The following CCDC106 variants were observed in gnomAD, a reference collection of about 807,000 sequenced individuals.
CCDC106 encodes coiled-coil domain-containing protein 106.
In CCDC106, 17 loss-of-function variants were observed where a neutral mutation model predicts 24.7. The observed-to-expected ratio is 0.69, with a 90% CI of 0.47 to 1.03. The LOEUF is 1.03. Ranked by LOEUF, CCDC106 falls within the 50% of genes least tolerant of loss-of-function variation. The pLI is 0.00. For synonymous variants in CCDC106, 211 were observed against 161.3 expected (o/e 1.31, Z -2.34); for missense variants, 337 against 388.9 (o/e 0.87, Z 1.12).
Position 55,652,629 on chromosome 19 carries a change from C to T in CCDC106, c.726C>T (p.Arg242=). ...EVGEFDPSKE[R]LLEYSRRCFL... ...GCGAGTTCGACCCCTCCAAGGAGCG[C>T]CTGCTCGAGTACTCCCGCCGCTGCT... Residue 242 remains arginine (R), a synonymous_variant, in exon 5 of 5, where the codon CGC becomes CGT. Transcript: ENST00000586790. The surrounding 1 kb of genome is among the most constrained non-coding windows in gnomAD (Gnocchi z 5.9). 6.2e-7 allele frequency: 1 copy of T among 1,613,004 alleles called. No homozygotes were observed. Among genetic ancestry groups the T allele is most frequent in the Non-Finnish European group, 8.5e-7 (1 of 1,179,906 alleles).
At position 55,652,037 on chromosome 19, in the gene CCDC106, A is replaced by T. The variant is rs1274776370; in HGVS notation, c.527-393A>T. 1.3e-5 allele frequency among the ~76,000 whole-genome samples: 2 copies of T among 152,006 alleles called. No homozygotes were observed. The highest frequency in any genetic ancestry group is 4.1e-4 in the South Asian group (2 of 4,820). On this transcript the variant is annotated intron_variant, in intron 4 of 4. Coordinates refer to ENST00000586790, the MANE Select transcript of CCDC106 (RefSeq NM_001370470.1). This position sits in a 1 kb window ranked among gnomAD's most constrained non-coding sequence, Gnocchi z 5.9. The stretch of plus-strand genomic sequence containing the variant: ...CTTGGGCACCTCCTTAACTTTCATC[A>T]GTAAGGAGGAGGTGCGCAGTAGGAC...
At position 55,649,792 on chromosome 19, in the gene CCDC106, G is replaced by A. The variant is rs1983121094; in HGVS notation, c.313+208G>A. On this transcript the variant is annotated intron_variant, in intron 3 of 4. Coordinates refer to ENST00000586790, the MANE Select transcript of CCDC106 (RefSeq NM_001370470.1). ...TCATCCCCATGAACTGTCTACTGGGGCCCGTCCTCCTGCCTTCTCCGTCAG... is the reference window on the plus strand; with the variant it reads ...TCATCCCCATGAACTGTCTACTGGGACCCGTCCTCCTGCCTTCTCCGTCAG... The A allele has an allele frequency of 5.2e-6, 3 of 578,626 alleles. No homozygotes were observed. The South Asian group carries it at 6.3e-5, about 12-fold the overall frequency. The allele number at this position is 578,626 out of a possible 1,614,324, so 35.8% of individuals were successfully genotyped here. A position where few individuals can be genotyped will look rare whatever the true frequency, so the allele number is the denominator to read the frequency against.
chr19:55,649,681 G>A, intron 3 of CCDC106, 97 bp downstream of exon 3: 2 of 1,208,350 alleles, frequency 1.7e-6, no homozygotes, highest in Non-Finnish European at 2.3e-6. Context: ...TGGCTGGGTG[G>A]GACCTGCCAT....
At chr19:55,649,116 G>T in intron 1 of CCDC106, 39 bp downstream of exon 1, 3 of 1,613,544 alleles carry the variant, frequency 1.9e-6, no homozygotes, top group Non-Finnish European at 2.5e-6. Context: ...CTGGGTCCCA[G>T]TGCGGTCGGC....
intron 3 of CCDC106, among the ~76,000 whole-genome samples, chr19:55,650,698 G>A (rs1337272032): frequency 1.3e-5 from 2 of 152,176 alleles, no homozygotes; most frequent in African/African-American, 4.8e-5. Flanking sequence ...CATCCTGGGT[G>A]ACTGACTCCT....
rs920097309 is a variant in CCDC106, at chr19:55,652,854, G to A, written c.*108G>A. On this transcript the variant is annotated 3_prime_UTR_variant, in exon 5 of 5. Transcript: ENST00000586790. This position sits in a 1 kb window ranked among gnomAD's most constrained non-coding sequence, Gnocchi z 5.9. ...CCCTGCCCCTCCTCCTCGCTCCCTG[G>A]GTTGGGGGCTCCCTTAGCCGGGCCC... The A allele has an allele frequency of 1.7e-5, 17 of 998,288 alleles. No individual in the cohort carries two copies. Among genetic ancestry groups the A allele is most frequent in the Non-Finnish European group, 2.5e-5 (17 of 692,180 alleles). The allele number at this position is 998,288 out of a possible 1,614,324, so 61.8% of individuals were successfully genotyped here.
At chr19:55,649,616 C>A in intron 3 of CCDC106, 32 bp downstream of exon 3, 1 of 1,595,192 alleles carries the variant, frequency 6.3e-7, no homozygotes, top group Non-Finnish European at 8.6e-7. Flanking sequence ...CCACATGCCT[C>A]CCTGTCCCGC....
rs148385298 is a variant in CCDC106 at position 55,649,431 on chromosome 19, G to A, written c.160G>A (p.Ala54Thr). The change falls in exon 3 of 5, where the codon GCC (alanine) becomes ACC (threonine). Residue 54 changes from alanine to threonine, a missense_variant. Coordinates refer to ENST00000586790, the MANE Select transcript of CCDC106 (RefSeq NM_001370470.1). ...AGAGCCTCCGGAGGCTGCGTCCTCC[G>A]CCCTGGCTCTGATGAACAGCGTCAA... ...FEEPPEAASS[A>T]LALMNSVKTQ... 8,411 of 1,614,006 alleles carry A rather than the reference G, an allele frequency of 5.2e-3. 43 individuals are homozygous for A. The highest frequency in any genetic ancestry group is 6.0e-3 in the Non-Finnish European group (7,046 of 1,179,978).
At chr19:55,650,941 G>C (rs1213496142) in intron 3 of CCDC106, among the ~76,000 whole-genome samples, 1 of 152,156 alleles carries the variant, frequency 6.6e-6, no homozygotes, top group African/African-American at 2.4e-5. Context: ...GTTTCCAGAG[G>C]CTACTCTCCA....
chr19:55,648,998 C>G lies in CCDC106; in HGVS notation c.-49C>G. ...CTCCATTTGTGGCTGCCGTTTCTGT[C>G]CAGTGCCCCTGAGGCCCTCGGCTGC... On this transcript the variant is annotated 5_prime_UTR_variant, in exon 1 of 5. Coordinates refer to ENST00000586790, the MANE Select transcript of CCDC106 (RefSeq NM_001370470.1). 1 of 1,596,096 alleles carries G rather than the reference C, an allele frequency of 6.3e-7. No homozygotes were observed. Among genetic ancestry groups the G allele is most frequent in the South Asian group, 1.1e-5 (1 of 90,696 alleles).
Position 55,652,930 on chromosome 19 carries a change from C to A in CCDC106, c.*184C>A, listed in dbSNP as rs904358549. The A allele has an allele frequency of 1.5e-5, 9 of 586,594 alleles. No homozygotes were observed. In the East Asian group the frequency reaches 2.6e-4, roughly 17 times the overall value. 36.3% of individuals were successfully genotyped at this position (586,594 alleles called of 1,614,324 possible). A position where few individuals can be genotyped will look rare whatever the true frequency, so the allele number is the denominator to read the frequency against. ...CGCGGCCCCTTCCCGAACGCCGGCA[C>A]CCCCTTCCGCTTGGGCTGCCCAGCC... On this transcript the variant is annotated 3_prime_UTR_variant, in exon 5 of 5. Transcript: ENST00000586790. This position sits in a 1 kb window ranked among gnomAD's most constrained non-coding sequence, Gnocchi z 5.9.
At position 55,651,108 on chromosome 19, in the gene CCDC106, C is replaced by T. The variant is rs1983228284; in HGVS notation, c.314-175C>T. ...CACCCATTACCACCTCCCACAGACC[C>T]CAACTGGCTCTACTCAGCCACCAGC... On this transcript the variant is annotated intron_variant, in intron 3 of 4. Coordinates refer to ENST00000586790, the MANE Select transcript of CCDC106 (RefSeq NM_001370470.1). Among the ~76,000 whole-genome samples the T allele has an allele frequency of 2.0e-5, 3 of 152,384 alleles. 1 individual carries two copies. In the South Asian group the frequency reaches 6.2e-4, roughly 32 times the overall value.
At chr19:55,651,200 G>C in intron 3 of CCDC106, 83 bp from the exon 4 acceptor site, 1 of 1,069,054 alleles carries the variant, frequency 9.4e-7, no homozygotes, top group African/African-American at 1.5e-5. Context: ...GATCCAGTTC[G>C]GGGACTGCAG....
intron 3 of CCDC106, among the ~76,000 whole-genome samples, chr19:55,650,833 G>C (rs79953452): frequency 0.01 from 1,576 of 152,248 alleles, 28 homozygotes; most frequent in African/African-American, 0.036. Context: ...GGCTCCCTCT[G>C]TCTAGATGGA....
At chr19:55,649,117 T>C (rs1983062112) in intron 1 of CCDC106, 40 bp downstream of exon 1, 5 of 1,612,956 alleles carry the variant, frequency 3.1e-6, no homozygotes, top group Non-Finnish European at 4.2e-6. Flanking sequence ...TGGGTCCCAG[T>C]GCGGTCGGCT....
Position 55,652,906 on chromosome 19 carries a change from G to A in CCDC106, c.*160G>A, listed in dbSNP as rs1393007238. Reference sequence around the variant, plus strand: ...CAAGCGCGACGGCCCCGGACCGGCCGCGGCCCCTTCCCGAACGCCGGCACC... The same window carrying A: ...CAAGCGCGACGGCCCCGGACCGGCCACGGCCCCTTCCCGAACGCCGGCACC... On this transcript the variant is annotated 3_prime_UTR_variant, in exon 5 of 5. Transcript: ENST00000586790. The surrounding 1 kb of genome is among the most constrained non-coding windows in gnomAD (Gnocchi z 5.9). The A allele has an allele frequency of 3.1e-6, 2 of 641,368 alleles. No homozygotes were observed. The highest frequency in any genetic ancestry group is 5.3e-6 in the Non-Finnish European group (2 of 379,652). 39.7% of individuals were successfully genotyped at this position (641,368 alleles called of 1,614,324 possible). A position where few individuals can be genotyped will look rare whatever the true frequency, so the allele number is the denominator to read the frequency against.
At position 55,651,837 on chromosome 19, in the gene CCDC106, AT is replaced by A. The variant is rs1439295504; in HGVS notation, c.526+347del. On this transcript the variant is annotated intron_variant, in intron 4 of 4. Transcript: ENST00000586790. ...CCACCACGCCTGGCTAATTTTTTGT[AT>A]TTTTAGTAGAGGCCAGGGTTTCACC... 1.3e-5 allele frequency among the ~76,000 whole-genome samples: 2 copies of A among 151,744 alleles called. 1 individual carries two copies. The highest frequency in any genetic ancestry group is 4.8e-5 in the African/African-American group (2 of 41,278).
Position 55,648,570 on chromosome 19 carries a change from C to G in CCDC106, c.-477C>G, listed in dbSNP as rs1212317183. The G allele has an allele frequency of 1.8e-5, 3 of 163,972 alleles. No homozygotes were observed. The highest frequency in any genetic ancestry group is 4.0e-5 in the Non-Finnish European group (3 of 74,892). The allele number at this position is 163,972 out of a possible 1,614,324, so 10.2% of individuals were successfully genotyped here. A position where few individuals can be genotyped will look rare whatever the true frequency, so the allele number is the denominator to read the frequency against. The stretch of plus-strand genomic sequence containing the variant: ...CCGAAGGTAGAGGAGGCAGCGCGCA[C>G]GGGCTGGACCTCCTCCTACCCTGGG... On this transcript the variant is annotated 5_prime_UTR_variant, in exon 1 of 5. Transcript: ENST00000586790.
upstream of CCDC106, chr19:55,648,200 G>A (rs569557486): frequency 1.3e-5 from 2 of 152,182 alleles, no homozygotes; most frequent in Admixed American, 1.3e-4. Flanking sequence ...TCGGCTCCCC[G>A]TGACACTTTG....
Sources: allele counts gnomAD v4.1 joint callset (sites outside exome capture counted in the v4.1 genomes callset), GRCh38; gene constraint gnomAD v4.1.1; non-coding constraint Gnocchi (gnomAD v3.1); transcripts MANE v1.5; gene names NCBI Gene and HGNC (gene_info 2026-07-23, HGNC 2026-07-21).